Variants in SAMD12 observed in about 807,000 individuals in gnomAD.
The protein encoded by SAMD12 is sterile alpha motif domain containing 12, also known as sterile alpha motif domain-containing protein 12.
SAMD12 carries 9 observed loss-of-function variants against 15.0 expected under a neutral mutation model. The ratio of observed to expected loss-of-function variants is 0.60; its 90% confidence interval spans 0.36 to 1.05. The LOEUF is 1.05. SAMD12 is among the 50% of genes least tolerant of loss of function. SAMD12 has a pLI of 0.01. For synonymous variants in SAMD12, 86 were observed against 90.1 expected, an observed-to-expected ratio of 0.96 and a Z score of 0.25; for missense variants, 230 against 234.2, an observed-to-expected ratio of 0.98 and a Z score of 0.12.
chr8:118,440,017 A>G, intron 2 of SAMD12, 56 bp from the exon 3 acceptor site: 1 of 1,579,934 alleles, frequency 6.3e-7, no homozygotes, highest in East Asian at 2.2e-5. Flanking sequence ...GGAAGACACT[A>G]TAGTTAAAAG....
intron 4 of SAMD12, among the ~76,000 whole-genome samples, chr8:118,198,642 G>A (rs1334923203): frequency 2.0e-5 from 3 of 152,054 alleles, no homozygotes; most frequent in Admixed American, 6.6e-5. Flanking sequence ...ATGACAGAAC[G>A]CACTATTTGT....
intron 4 of SAMD12, among the ~76,000 whole-genome samples, chr8:118,299,789 G>A (rs796592701): frequency 5.3e-5 from 8 of 152,244 alleles, no homozygotes; most frequent in African/African-American, 1.4e-4. Context: ...ATGGCCTACA[G>A]ACATATGGCT....
At chr8:118,190,102 T>C (rs1819322035) in exon 5 of SAMD12, 1 of 152,146 alleles carries the variant, frequency 6.6e-6, no homozygotes, top group African/African-American at 2.4e-5. Flanking sequence ...ATGTCAACCA[T>C]CTACCTAGGC....
intron 2 of SAMD12, among the ~76,000 whole-genome samples, chr8:118,549,658 G>A (rs1826258676): frequency 6.6e-6 from 1 of 152,208 alleles, no homozygotes; most frequent in Non-Finnish European, 1.5e-5. Flanking sequence ...TTCCTCACCA[G>A]CAATGGAACA....
chr8:118,508,180 T>G lies in SAMD12; in HGVS notation c.193-68219A>C, dbSNP rs566229538. ...GGCTCCCTTTTCTTAAAGGTGGGAA[T>G]TGAACGATGAGAACACTTGGACACA... On this transcript the variant is annotated intron_variant, in intron 2 of 3. Transcript: ENST00000314727. Among the ~76,000 whole-genome samples the G allele has an allele frequency of 2.7e-5, 4 of 146,318 alleles. No homozygotes were observed. The Admixed American group carries it at 2.8e-4, about 10-fold the overall frequency.
At chr8:118,202,117 G>A (rs1265187601) in intron 4 of SAMD12, among the ~76,000 whole-genome samples, 1 of 152,162 alleles carries the variant, frequency 6.6e-6, no homozygotes, top group African/African-American at 2.4e-5. Flanking sequence ...TCACCAGGCT[G>A]CTGTGTTGTT....
At chr8:118,163,232 A>G in the SAMD12 span, among the ~76,000 whole-genome samples, 135 of 152,176 alleles carry the variant, frequency 8.9e-4, 1 homozygote, top group African/African-American at 2.9e-3. Context: ...GGCACACACC[A>G]CCATACCTGG....
chr8:118,413,200 G>A (rs557398443), intron 3 of SAMD12, among the ~76,000 whole-genome samples: 2 of 152,162 alleles, frequency 1.3e-5, no homozygotes, highest in African/African-American at 4.8e-5. Context: ...AAATCACCAG[G>A]AGACAAACTT....
At chr8:118,404,916 C>T (rs565138389) in intron 3 of SAMD12, among the ~76,000 whole-genome samples, 2 of 152,162 alleles carry the variant, frequency 1.3e-5, no homozygotes, top group East Asian at 3.9e-4. Flanking sequence ...CCCACCATAA[C>T]CTCCCAAAGT....
chr8:118,606,270 A>G (rs1827983810), intron 1 of SAMD12, among the ~76,000 whole-genome samples: 1 of 152,220 alleles, frequency 6.6e-6, no homozygotes, highest in African/African-American at 2.4e-5. Context: ...ATCCCTTCCA[A>G]TCATGGCAGC....
chr8:118,497,940 A>AT (rs1824673847), intron 2 of SAMD12, among the ~76,000 whole-genome samples: 1 of 152,184 alleles, frequency 6.6e-6, no homozygotes, highest in African/African-American at 2.4e-5. Flanking sequence ...AAACTTAAAA[A>AT]CCAAAATGAA....
downstream of SAMD12, among the ~76,000 whole-genome samples, chr8:118,187,094 A>T (rs1160038716): frequency 1.3e-5 from 2 of 152,212 alleles, no homozygotes; most frequent in Non-Finnish European, 2.9e-5. Context: ...GGAGAGATAT[A>T]TGATGGAAAA....
intron 4 of SAMD12, among the ~76,000 whole-genome samples, chr8:118,262,457 CTT>C (rs1182868694): frequency 2.0e-5 from 3 of 152,070 alleles, no homozygotes; most frequent in Non-Finnish European, 2.9e-5. Flanking sequence ...TTGACTGTCT[CTT>C]TAAATGTTAC....
chr8:118,294,828 G>C (rs1814621412), intron 4 of SAMD12, among the ~76,000 whole-genome samples: 1 of 151,966 alleles, frequency 6.6e-6, no homozygotes, highest in Non-Finnish European at 1.5e-5. Flanking sequence ...CTTGGATCTG[G>C]GTACATTAAT....
chr8:118,420,215 TC>T (rs1283820418), intron 3 of SAMD12, among the ~76,000 whole-genome samples: 2 of 152,144 alleles, frequency 1.3e-5, no homozygotes, highest in Non-Finnish European at 2.9e-5. Context: ...AAATCGGGAC[TC>T]TTACAACTAA....
intron 1 of SAMD12, among the ~76,000 whole-genome samples, chr8:118,609,300 A>G (rs1321756430): frequency 6.6e-6 from 1 of 152,180 alleles, no homozygotes; most frequent in Non-Finnish European, 1.5e-5. Flanking sequence ...TTCACTGAGC[A>G]CTTCTGTACC....
At chr8:118,311,330 T>C (rs1024466700) in intron 4 of SAMD12, among the ~76,000 whole-genome samples, 5 of 152,262 alleles carry the variant, frequency 3.3e-5, no homozygotes, top group African/African-American at 1.2e-4. Flanking sequence ...TCTAACCCAC[T>C]ACCTTTTTTT....
At chr8:118,167,204 C>T in the SAMD12 span, among the ~76,000 whole-genome samples, 10 of 151,960 alleles carry the variant, frequency 6.6e-5, no homozygotes, top group Non-Finnish European at 1.0e-4. Context: ...GCCCCCCACA[C>T]GGACAGCTGG....
At chr8:118,148,239 T>C in the SAMD12 span, among the ~76,000 whole-genome samples, 1 of 152,042 alleles carries the variant, frequency 6.6e-6, no homozygotes, top group Non-Finnish European at 1.5e-5. Context: ...TAAGCCACTG[T>C]GCCTGGTTGA....
Sources: allele counts gnomAD v4.1 joint callset (sites outside exome capture counted in the v4.1 genomes callset), GRCh38; gene constraint gnomAD v4.1.1; transcripts MANE v1.5; gene names NCBI Gene and HGNC (gene_info 2026-07-23, HGNC 2026-07-21).